P3H2: variants seen among roughly 807,000 people sequenced by gnomAD.
The protein encoded by P3H2 is prolyl 3-hydroxylase 2.
In P3H2, 80 loss-of-function variants were observed where a neutral mutation model predicts 87.0. The observed-to-expected ratio is 0.92, with a 90% CI of 0.77 to 1.11. The LOEUF (loss-of-function observed/expected upper bound fraction) is 1.11, where lower values mean the gene tolerates loss of function less well. Ranked by LOEUF, P3H2 falls within the 50% of genes least tolerant of loss-of-function variation. The pLI is 0.00. For missense variants in P3H2, 1,001 were observed against 923.9 expected, an observed-to-expected ratio of 1.08 and a Z score of -1.08; for synonymous variants, 367 against 359.3, an observed-to-expected ratio of 1.02 and a Z score of -0.24.
chr3:190,081,580 T>A (rs9875765), intron 1 of P3H2, among the ~76,000 whole-genome samples: 1 of 152,104 alleles, frequency 6.6e-6, no homozygotes, highest in African/African-American at 2.4e-5. Context: ...CGCCACTTTC[T>A]CCTCTTCAGG....
chr3:189,992,209 C>T (rs1668786740), intron 3 of P3H2, among the ~76,000 whole-genome samples: 1 of 152,164 alleles, frequency 6.6e-6, no homozygotes, highest in African/African-American at 2.4e-5. Flanking sequence ...ATTCTCTTGC[C>T]TCAGCCTCCT....
chr3:190,047,046 C>CA (rs1374764898), intron 1 of P3H2, among the ~76,000 whole-genome samples: 8 of 149,024 alleles, frequency 5.4e-5, no homozygotes, highest in Non-Finnish European at 8.9e-5. Context: ...CAAAACAAAA[C>CA]AAAAAAACAA....
chr3:189,980,978 GAAC>G (rs1211150473), intron 8 of P3H2, among the ~76,000 whole-genome samples: 13 of 152,188 alleles, frequency 8.5e-5, no homozygotes, highest in Admixed American at 7.8e-4. Flanking sequence ...AAAAACTCTT[GAAC>G]AACAAGATGT....
At chr3:189,960,328 G>A (rs1218373162) in intron 14 of P3H2, among the ~76,000 whole-genome samples, 1 of 151,938 alleles carries the variant, frequency 6.6e-6, no homozygotes, top group Non-Finnish European at 1.5e-5. Flanking sequence ...TACTTTTTTG[G>A]GATCTGTTTC....
At chr3:190,018,906 T>C (rs1724851121) in intron 1 of P3H2, among the ~76,000 whole-genome samples, 1 of 152,186 alleles carries the variant, frequency 6.6e-6, no homozygotes, top group Non-Finnish European at 1.5e-5. Flanking sequence ...TTCCTTATAA[T>C]ACAGCCATCG....
chr3:189,983,470 A>C, intron 7 of P3H2: 1 of 268,326 alleles, frequency 3.7e-6, no homozygotes, highest in Non-Finnish European at 7.2e-6. Context: ...AGAGTGTCCA[A>C]TGGGGCCTGG....
intron 8 of P3H2, among the ~76,000 whole-genome samples, chr3:189,975,487 G>A (rs189885600): frequency 6.6e-6 from 1 of 152,266 alleles, no homozygotes; most frequent in Admixed American, 6.5e-5. Flanking sequence ...GTAGCATAGT[G>A]CAAACATTTT....
At chr3:189,988,076 C>T (rs1011993327) in intron 4 of P3H2, among the ~76,000 whole-genome samples, 1 of 152,086 alleles carries the variant, frequency 6.6e-6, no homozygotes. Context: ...GTATGAGTAA[C>T]ATAAGTGCTT....
At chr3:190,069,992 C>T (rs140743190) in intron 1 of P3H2, among the ~76,000 whole-genome samples, 82 of 149,030 alleles carry the variant, frequency 5.5e-4, no homozygotes, top group Non-Finnish European at 8.9e-4. Context: ...GTTGTGGTAA[C>T]GGAGAAGTGA....
chr3:189,985,166 G>A (rs141274837), intron 6 of P3H2, among the ~76,000 whole-genome samples: 2 of 152,006 alleles, frequency 1.3e-5, no homozygotes, highest in African/African-American at 4.8e-5. Flanking sequence ...AAAAAAGGTT[G>A]TAAATGGACA....
intron 1 of P3H2, among the ~76,000 whole-genome samples, chr3:189,999,471 G>A (rs1724145991): frequency 2.6e-5 from 4 of 152,148 alleles, no homozygotes; most frequent in African/African-American, 9.7e-5. Context: ...ATCCAAAGTG[G>A]TAAGAAAAGT....
intron 11 of P3H2, among the ~76,000 whole-genome samples, chr3:189,972,295 C>T (rs1014711370): frequency 3.3e-5 from 5 of 152,074 alleles, no homozygotes; most frequent in African/African-American, 1.2e-4. Flanking sequence ...ATGGGTTGTA[C>T]TTCACATAGG....
At chr3:189,969,839 G>T in intron 13 of P3H2, 1 of 1,522,682 alleles carries the variant, frequency 6.6e-7, no homozygotes, top group Admixed American at 1.7e-5. Flanking sequence ...CTTCATGGCA[G>T]TGGTGGTGGT....
intron 1 of P3H2, among the ~76,000 whole-genome samples, chr3:190,056,399 T>C (rs1726156517): frequency 6.6e-6 from 1 of 152,150 alleles, no homozygotes; most frequent in African/African-American, 2.4e-5. Context: ...CACCGCTATA[T>C]TCCCGAGTAC....
intron 1 of P3H2, among the ~76,000 whole-genome samples, chr3:190,104,722 T>C (rs1392846021): frequency 6.6e-6 from 1 of 152,220 alleles, no homozygotes; most frequent in Admixed American, 6.5e-5. Context: ...TTGTAATAAA[T>C]TTAACTTAAA....
chr3:190,091,279 C>T (rs1372265942), intron 1 of P3H2, among the ~76,000 whole-genome samples: 1 of 152,150 alleles, frequency 6.6e-6, no homozygotes, highest in African/African-American at 2.4e-5. Context: ...GCTTTCTGGT[C>T]TGATATAAAG....
chr3:190,007,965 C>CACACAT, intron 1 of P3H2, among the ~76,000 whole-genome samples: 1 of 94,340 alleles, frequency 1.1e-5, no homozygotes, highest in African/African-American at 3.9e-5. Flanking sequence ...TGTTGACACA[C>CACACAT]ATATATATAT....
At chr3:190,051,437 T>C (rs1725979881) in intron 1 of P3H2, among the ~76,000 whole-genome samples, 1 of 152,220 alleles carries the variant, frequency 6.6e-6, no homozygotes, top group African/African-American at 2.4e-5. Flanking sequence ...CTTTTCATAC[T>C]AGAGGCCATA....
At chr3:190,073,527 A>G (rs1726774187) in intron 1 of P3H2, among the ~76,000 whole-genome samples, 1 of 152,128 alleles carries the variant, frequency 6.6e-6, no homozygotes, top group Admixed American at 6.6e-5. Flanking sequence ...CAAGGCCTAG[A>G]GTACATCCTG....
Sources: allele counts gnomAD v4.1 joint callset (sites outside exome capture counted in the v4.1 genomes callset), GRCh38; gene constraint gnomAD v4.1.1; transcripts MANE v1.5; gene names NCBI Gene and HGNC (gene_info 2026-07-23, HGNC 2026-07-21).